TTC27: variants seen among roughly 807,000 people sequenced by gnomAD.
TTC27 encodes the protein tetratricopeptide repeat domain 27.
In TTC27, 79 loss-of-function variants were observed where a neutral mutation model predicts 115.9. That is an observed-to-expected ratio of 0.68 (90% CI 0.57 to 0.82). The LOEUF (loss-of-function observed/expected upper bound fraction) is 0.82. Among genes scored for constraint, TTC27 ranks in the 40% least tolerant of loss-of-function variants. The probability of loss-of-function intolerance (pLI) is 0.00; values close to 1 mark genes in which losing one functional copy is unlikely to be tolerated. For synonymous variants in TTC27, 401 were observed against 356.0 expected (o/e 1.13, Z -1.42); for missense variants, 1,054 against 993.1 (o/e 1.06, Z -0.82).
intron 18 of TTC27, among the ~76,000 whole-genome samples, chr2:32,816,882 A>G (rs1218920891): frequency 6.6e-6 from 1 of 152,202 alleles, no homozygotes; most frequent in African/African-American, 2.4e-5. Context: ...AAAGCCACAC[A>G]AAGATGTGCT....
intron 3 of TTC27, among the ~76,000 whole-genome samples, chr2:32,636,605 G>C (rs1664438515): frequency 6.6e-6 from 1 of 152,200 alleles, no homozygotes; most frequent in African/African-American, 2.4e-5. Context: ...AAAGAATCTT[G>C]TCAGAGATCT....
At chr2:32,756,969 G>A (rs1163057095) in intron 12 of TTC27, among the ~76,000 whole-genome samples, 1 of 152,196 alleles carries the variant, frequency 6.6e-6, no homozygotes, top group Non-Finnish European at 1.5e-5. Flanking sequence ...GCTCCAAACT[G>A]TGGACATATG....
chr2:32,774,591 C>T (rs1558337260), intron 13 of TTC27, among the ~76,000 whole-genome samples: 1 of 152,082 alleles, frequency 6.6e-6, no homozygotes, highest in Non-Finnish European at 1.5e-5. Flanking sequence ...TCTGAGGAAT[C>T]GAGAGAGGTT....
chr2:32,644,872 CTT>C (rs35904079), intron 4 of TTC27, among the ~76,000 whole-genome samples: 7 of 83,320 alleles, frequency 8.4e-5, no homozygotes, highest in African/African-American at 1.8e-4. Flanking sequence ...TTCCTTTCTG[CTT>C]TTTTTTTTTT....
chr2:32,628,364 G>T lies in TTC27; in HGVS notation c.72G>T (p.Glu24Asp), dbSNP rs774575345. 1.9e-6 allele frequency: 3 copies of T among 1,604,250 alleles called. No homozygotes were observed. Among genetic ancestry groups the T allele is most frequent in the Admixed American group, 1.7e-5 (1 of 58,066 alleles). ...TEAERQQWKQEGVVGSESGSF... is the reference protein window; with the variant it reads ...TEAERQQWKQDGVVGSESGSF... ...CTGAGCGGCAGCAATGGAAACAGGA[G>T]GGGGTCGTCGGTTCAGGTGAGAGGC... Residue 24 changes from glutamate to aspartate, a missense_variant, in exon 1 of 20, where the codon GAG becomes GAT. Coordinates refer to ENST00000317907, the MANE Select transcript of TTC27 (RefSeq NM_017735.5).
At chr2:32,707,597 T>A (rs1667420285) in intron 10 of TTC27, among the ~76,000 whole-genome samples, 1 of 152,186 alleles carries the variant, frequency 6.6e-6, no homozygotes, top group African/African-American at 2.4e-5. Flanking sequence ...TAATATTCCC[T>A]TATTCCAAAG....
intron 10 of TTC27, among the ~76,000 whole-genome samples, chr2:32,716,384 G>T (rs2151907891): frequency 6.6e-6 from 1 of 152,204 alleles, no homozygotes; most frequent in Non-Finnish European, 1.5e-5. Flanking sequence ...AAAAAAATTA[G>T]TTCACTCAGG....
intron 10 of TTC27, among the ~76,000 whole-genome samples, chr2:32,705,379 AC>A (rs1445573096): frequency 1.3e-5 from 2 of 152,176 alleles, no homozygotes; most frequent in Non-Finnish European, 2.9e-5. Context: ...TTACAGCAAC[AC>A]AAAACAGATT....
intron 16 of TTC27, among the ~76,000 whole-genome samples, chr2:32,792,903 G>A (rs1026984394): frequency 1.3e-5 from 2 of 152,218 alleles, no homozygotes; most frequent in South Asian, 4.1e-4. Flanking sequence ...TCCTCTATGT[G>A]AGAGGCCTTC....
chr2:32,652,395 A>AT (rs1665157248), intron 5 of TTC27, among the ~76,000 whole-genome samples: 1 of 151,914 alleles, frequency 6.6e-6, no homozygotes, highest in African/African-American at 2.4e-5. Context: ...ATAAATAAAT[A>AT]AAAATAAAAT....
At chr2:32,776,035 C>G (rs1050753120) in intron 13 of TTC27, among the ~76,000 whole-genome samples, 1 of 152,032 alleles carries the variant, frequency 6.6e-6, no homozygotes, top group Non-Finnish European at 1.5e-5. Context: ...TTGAAAGTTC[C>G]ATGATTCAAA....
chr2:32,790,032 AAAAAAAAATCT>A (rs931052522), intron 16 of TTC27, among the ~76,000 whole-genome samples: 2 of 150,024 alleles, frequency 1.3e-5, no homozygotes, highest in African/African-American at 2.5e-5. Context: ...TCAGAAAAGA[AAAAAAAAATCT>A]AAAAAAAATA....
chr2:32,687,491 C>T (rs1666673312), intron 9 of TTC27, among the ~76,000 whole-genome samples: 1 of 152,234 alleles, frequency 6.6e-6, no homozygotes, highest in East Asian at 1.9e-4. Flanking sequence ...TGGATAAATA[C>T]TCCAAATAAA....
intron 16 of TTC27, among the ~76,000 whole-genome samples, chr2:32,795,199 A>T (rs1010427426): frequency 1.3e-5 from 2 of 151,934 alleles, no homozygotes; most frequent in African/African-American, 4.8e-5. Context: ...AAAACCCTTA[A>T]CAAAATACTA....
chr2:32,641,035 T>C (rs1266525807), intron 4 of TTC27, among the ~76,000 whole-genome samples: 2 of 152,006 alleles, frequency 1.3e-5, no homozygotes. Context: ...AAAAAAGATA[T>C]ACCTCACAGT....
intron 7 of TTC27, among the ~76,000 whole-genome samples, chr2:32,671,674 T>C (rs553763166): frequency 1.3e-5 from 2 of 152,354 alleles, no homozygotes; most frequent in South Asian, 4.1e-4. Flanking sequence ...TGTCGATCAT[T>C]TGCATTTCCA....
chr2:32,771,869 G>T (rs1449479757), intron 13 of TTC27, among the ~76,000 whole-genome samples: 1 of 152,192 alleles, frequency 6.6e-6, no homozygotes, highest in Non-Finnish European at 1.5e-5. Context: ...AATCAGGCAG[G>T]GGTACAGAAA....
chr2:32,724,138 C>T (rs1361640839), intron 10 of TTC27, among the ~76,000 whole-genome samples: 1 of 151,972 alleles, frequency 6.6e-6, no homozygotes. Flanking sequence ...AGACACTAAG[C>T]AGGGTCCCCT....
Position 32,758,511 on chromosome 2 carries a change from C to T in TTC27, c.1672C>T (p.Pro558Ser). The T allele has an allele frequency of 6.2e-7, 1 of 1,613,992 alleles. No individual in the cohort carries two copies. The highest frequency in any genetic ancestry group is 8.5e-7 in the Non-Finnish European group (1 of 1,179,898). Residue 558 changes from proline to serine, a missense_variant, in exon 13 of 20, where the codon CCC becomes TCC. Pro to Ser is a moderately conservative substitution (Grantham distance 74). Coordinates refer to ENST00000317907, the MANE Select transcript of TTC27 (RefSeq NM_017735.5). ...ECFERSVKIN[P>S]MQLGVWFSLG... is the part of the protein sequence containing the mutation. ...CTTCGAACGCTCGGTTAAGATTAAT[C>T]CCATGCAGGTTAGACAACTCATAAC...
Sources: allele counts gnomAD v4.1 joint callset (sites outside exome capture counted in the v4.1 genomes callset), GRCh38; gene constraint gnomAD v4.1.1; transcripts MANE v1.5; gene names NCBI Gene and HGNC (gene_info 2026-07-23, HGNC 2026-07-21).